AGTR2: variants seen among roughly 807,000 people sequenced by gnomAD.
AGTR2 encodes the protein angiotensin II receptor type 2.
A neutral mutation model predicts 14.2 loss-of-function variants in AGTR2; 15 were observed. The ratio of observed to expected loss-of-function variants is 1.05; its 90% confidence interval spans 0.70 to 1.62. The LOEUF (loss-of-function observed/expected upper bound fraction) is 1.62, where lower values mean the gene tolerates loss of function less well. Ranked by LOEUF, AGTR2 falls within the 40% of genes most tolerant of loss-of-function variation. AGTR2 has a pLI of 0.00. For missense variants in AGTR2, 274 were observed against 273.1 expected, an observed-to-expected ratio of 1.00 and a Z score of -0.02; for synonymous variants, 101 against 98.5, an observed-to-expected ratio of 1.03 and a Z score of -0.15.
chrX:116,172,814 A>T lies in AGTR2; in HGVS notation c.534A>T (p.Thr178=), dbSNP rs1556673770. The part of the protein sequence containing the change: ...WCMACLSSLP[T]FYFRDVRTIE... ...TGGCCTGTTTGTCCTCATTGCCAAC[A>T]TTTTATTTTCGAGACGTCAGAACCA... The change falls in exon 3 of 3, where the codon ACA becomes ACT. Residue 178 remains threonine (T), a synonymous_variant. Transcript: ENST00000371906. 2.5e-6 allele frequency: 3 copies of T among 1,211,036 alleles called. No homozygotes were observed. Among genetic ancestry groups the T allele is most frequent in the East Asian group, 3.0e-5 (1 of 33,818 alleles).
At position 116,173,824 on chromosome X, in the gene AGTR2, T is replaced by C. The variant is rs1922549315; in HGVS notation, c.*452T>C. 6.6e-6 allele frequency: 1 copy of C among 151,027 alleles called. No homozygotes were observed. Among genetic ancestry groups the C allele is most frequent in the Admixed American group, 7.8e-5 (1 of 12,856 alleles). 12.4% of individuals were successfully genotyped at this position (151,027 alleles called of 1,213,427 possible). A position where few individuals can be genotyped will look rare whatever the true frequency, so the allele number is the denominator to read the frequency against. ...CACTTCTAAGTTGAGTATATTATAA[T>C]AGATTAGTACTGGATTATTCAGGCT... On this transcript the variant is annotated 3_prime_UTR_variant, in exon 3 of 3. Coordinates refer to ENST00000371906, the MANE Select transcript of AGTR2 (RefSeq NM_000686.5).
chrX:116,171,558 G>A (rs1922449521), intron 2 of AGTR2, among the ~76,000 whole-genome samples: 2 of 110,170 alleles, frequency 1.8e-5, no homozygotes, highest in Admixed American at 2.0e-4. Flanking sequence ...AAAAGGAGAA[G>A]ACTTAGAAAT....
Position 116,172,879 on chromosome X carries a change from C to T in AGTR2, c.599C>T (p.Pro200Leu). Residue 200 changes from proline to leucine, a missense_variant, in exon 3 of 3, where the codon CCA (proline) becomes CTA (leucine). By Grantham distance (98) the Pro-to-Leu change is moderately conservative (BLOSUM62 -3). Coordinates refer to ENST00000371906, the MANE Select transcript of AGTR2 (RefSeq NM_000686.5). The part of the protein sequence containing the change: ...LGVNACIMAF[P>L]PEKYAQWSAG... ...GTGAATGCTTGCATTATGGCTTTCC[C>T]ACCTGAGAAATATGCCCAATGGTCA... 8.3e-7 allele frequency: 1 copy of T among 1,211,497 alleles called. No individual in the cohort carries two copies. The highest frequency in any genetic ancestry group is 1.1e-6 in the Non-Finnish European group (1 of 895,406).
intron 2 of AGTR2, 85 bp downstream of exon 2, chrX:116,171,112 T>G (rs1922430868): frequency 9.0e-6 from 1 of 111,514 alleles, no homozygotes; most frequent in African/African-American, 3.2e-5. Flanking sequence ...AAAATAAAAG[T>G]TTTGCTCTTT....
rs1922478422 is a variant in AGTR2 at position 116,172,367 on chromosome X, T to C, written c.87T>C (p.Asn29=). Residue 29 remains asparagine (N), a synonymous_variant, in exon 3 of 3, where the codon AAT becomes AAC. Transcript: ENST00000371906. The part of the protein sequence containing the change: ...HFGLVNISGN[N]ESTLNCSQKP... ...GGCTTGTGAACATCTCTGGCAACAATGAGTCTACCTTGAACTGTTCACAGA... is the reference window on the plus strand; with the variant it reads ...GGCTTGTGAACATCTCTGGCAACAACGAGTCTACCTTGAACTGTTCACAGA... 7 of 1,211,014 alleles carry C rather than the reference T, an allele frequency of 5.8e-6. No individual in the cohort carries two copies. The highest frequency in any genetic ancestry group is 7.8e-6 in the Non-Finnish European group (7 of 894,838).
Position 116,173,548 on chromosome X carries a change from T to G in AGTR2, c.*176T>G, listed in dbSNP as rs1398631304. ...GACTTTCAGGAATTGCCCATTGTTTTTCTGATATGTTTGTACAAGATTGTC... is the reference window on the plus strand; with the variant it reads ...GACTTTCAGGAATTGCCCATTGTTTGTCTGATATGTTTGTACAAGATTGTC... On this transcript the variant is annotated 3_prime_UTR_variant, in exon 3 of 3. Transcript: ENST00000371906. The G allele has an allele frequency of 1.6e-6, 1 of 616,571 alleles. No homozygotes were observed. The highest frequency in any genetic ancestry group is 2.5e-6 in the Non-Finnish European group (1 of 406,232). The allele number at this position is 616,571 out of a possible 1,213,427, so 50.8% of individuals were successfully genotyped here. A position where few individuals can be genotyped will look rare whatever the true frequency, so the allele number is the denominator to read the frequency against.
rs1922580983 is a variant in AGTR2, at chrX:116,174,802, G to A, written c.*1430G>A. The A allele has an allele frequency of 8.2e-6, 1 of 122,139 alleles. No homozygotes were observed. Among genetic ancestry groups the A allele is most frequent in the Non-Finnish European group, 1.9e-5 (1 of 52,965 alleles). The allele number at this position is 122,139 out of a possible 1,213,427, so 10.1% of individuals were successfully genotyped here. A position where few individuals can be genotyped will look rare whatever the true frequency, so the allele number is the denominator to read the frequency against. ...GACTCAGCATCTCTGCCAGGTTCCA[G>A]GATTATAGACAGAAGAGTCCTGTCA... On this transcript the variant is annotated 3_prime_UTR_variant, in exon 3 of 3. Transcript: ENST00000371906.
chrX:116,172,675 T>C lies in AGTR2; in HGVS notation c.395T>C (p.Ile132Thr). ...CTTACCCTGAACATGTTTGCAAGCA[T>C]TTTTTTTATCACCTGCATGAGTGTT... Reference protein sequence around the residue: ...SFLTLNMFASIFFITCMSVDR... With the variant: ...SFLTLNMFASTFFITCMSVDR... The change falls in exon 3 of 3, where the codon ATT becomes ACT. Residue 132 changes from isoleucine (I) to threonine (T), a missense_variant. Physicochemically the swap from Ile to Thr is moderately conservative, Grantham distance 89. Transcript: ENST00000371906. 3.3e-6 allele frequency: 4 copies of C among 1,206,333 alleles called. No individual in the cohort carries two copies. Among genetic ancestry groups the C allele is most frequent in the Non-Finnish European group, 4.5e-6 (4 of 891,131 alleles).
At position 116,172,366 on chromosome X, in the gene AGTR2, A is replaced by G. The variant is rs143423522; in HGVS notation, c.86A>G (p.Asn29Ser). 43 of 1,209,373 alleles carry G rather than the reference A, an allele frequency of 3.6e-5. No homozygotes were observed. The African/African-American group carries it at 5.2e-4, about 15-fold the overall frequency. The stretch of plus-strand genomic sequence containing the variant: ...GGGCTTGTGAACATCTCTGGCAACA[A>G]TGAGTCTACCTTGAACTGTTCACAG... ...HFGLVNISGN[N>S]ESTLNCSQKP... Residue 29 changes from asparagine (N) to serine (S), a missense_variant, in exon 3 of 3, where the codon AAT (asparagine) becomes AGT (serine). Asn to Ser is a conservative substitution (Grantham distance 46). Transcript: ENST00000371906.
rs781932683 is a variant in AGTR2, at chrX:116,172,717, T to C, written c.437T>C (p.Val146Ala). The C allele has an allele frequency of 1.1e-5, 13 of 1,208,314 alleles. No individual in the cohort carries two copies. Among genetic ancestry groups the C allele is most frequent in the Non-Finnish European group, 1.3e-5 (12 of 893,991 alleles). The change falls in exon 3 of 3, where the codon GTC becomes GCC. Residue 146 changes from valine to alanine, a missense_variant. Coordinates refer to ENST00000371906, the MANE Select transcript of AGTR2 (RefSeq NM_000686.5). ...TCMSVDRYQS[V>A]IYPFLSQRRN... ...ATGAGTGTTGATAGGTACCAATCTG[T>C]CATCTACCCCTTTCTGTCTCAAAGA...
chrX:116,172,830 G>A lies in AGTR2; in HGVS notation c.550G>A (p.Val184Ile), dbSNP rs782035382. ...ATTGCCAACATTTTATTTTCGAGAC[G>A]TCAGAACCATTGAATACTTAGGAGT... is the stretch of plus-strand genomic sequence containing the variant. ...SSLPTFYFRDVRTIEYLGVNA... is the reference protein window; with the variant it reads ...SSLPTFYFRDIRTIEYLGVNA... The change falls in exon 3 of 3, where the codon GTC (valine) becomes ATC (isoleucine). Residue 184 changes from valine to isoleucine, a missense_variant. Transcript: ENST00000371906. 1.4e-5 allele frequency: 17 copies of A among 1,209,268 alleles called. No individual in the cohort carries two copies. The East Asian group carries it at 3.0e-4, about 21-fold the overall frequency.
At position 116,172,682 on chromosome X, in the gene AGTR2, T is replaced by TA. The variant is rs1556673735; in HGVS notation, c.403dup (p.Ile135AsnfsTer7). Reference sequence around the variant, plus strand: ...TGAACATGTTTGCAAGCATTTTTTTTATCACCTGCATGAGTGTTGATAGGT... The same window carrying TA: ...TGAACATGTTTGCAAGCATTTTTTTTAATCACCTGCATGAGTGTTGATAGGT... On this transcript the variant is annotated frameshift_variant, in exon 3 of 3. Transcript: ENST00000371906. LOFTEE classifies it high-confidence loss of function. The TA allele has an allele frequency of 1.7e-6, 2 of 1,208,945 alleles. No homozygotes were observed. Among genetic ancestry groups the TA allele is most frequent in the African/African-American group, 1.8e-5 (1 of 56,977 alleles).
At chrX:116,171,235 GTT>G (rs36173764) in intron 2 of AGTR2, among the ~76,000 whole-genome samples, 1,458 of 100,092 alleles carry the variant, frequency 0.015, 29 homozygotes, top group African/African-American at 0.049. Context: ...TAGCTAATGT[GTT>G]TTTTTTTTTG....
chrX:116,171,240 T>TC (rs1294770674), intron 2 of AGTR2, among the ~76,000 whole-genome samples: 2 of 110,885 alleles, frequency 1.8e-5, no homozygotes, highest in Non-Finnish European at 3.8e-5. Flanking sequence ...AATGTGTTTT[T>TC]TTTTTTGGTT....
At chrX:116,171,707 T>G (rs1922454642) in intron 2 of AGTR2, among the ~76,000 whole-genome samples, 1 of 111,211 alleles carries the variant, frequency 9.0e-6, no homozygotes, top group Non-Finnish European at 1.9e-5. Context: ...GCATATTCTC[T>G]TTTAGTTTTT....
rs17231401 is a variant in AGTR2 at position 116,171,216 on chromosome X, G to A, written c.-36+189G>A. Among the ~76,000 whole-genome samples the A allele has an allele frequency of 2.7e-3, 278 of 104,319 alleles. 2 individuals carry two copies. The highest frequency in any genetic ancestry group is 9.7e-3 in the African/African-American group (270 of 27,884). 90.6% of individuals were successfully genotyped at this position (104,319 alleles called of 115,157 possible). On this transcript the variant is annotated intron_variant, in intron 2 of 2. Transcript: ENST00000371906. ...AAAGTAAATAGTGTTTCCTTTGTAT[G>A]CTTATCTTTAGCTAATGTGTTTTTT...
rs782266027 is a variant in AGTR2 at position 116,172,828 on chromosome X, A to G, written c.548A>G (p.Asp183Gly). ...LSSLPTFYFR[D>G]VRTIEYLGVN... ...TCATTGCCAACATTTTATTTTCGAG[A>G]CGTCAGAACCATTGAATACTTAGGA... Residue 183 changes from aspartate (D) to glycine (G), a missense_variant, in exon 3 of 3, where the codon GAC (aspartate) becomes GGC (glycine). Physicochemically the swap from Asp to Gly is moderately conservative, Grantham distance 94. Transcript: ENST00000371906. The G allele has an allele frequency of 9.9e-6, 12 of 1,209,123 alleles. No individual in the cohort carries two copies. The highest frequency in any genetic ancestry group is 1.2e-5 in the Non-Finnish European group (11 of 894,796).
In AGTR2 at chrX:116,172,959, A is replaced by G; in HGVS notation, c.679A>G (p.Ile227Val). The G allele has an allele frequency of 1.7e-6, 2 of 1,211,075 alleles. No homozygotes were observed. The highest frequency in any genetic ancestry group is 2.2e-6 in the Non-Finnish European group (2 of 895,140). The change falls in exon 3 of 3, where the codon ATA (isoleucine) becomes GTA (valine). Residue 227 changes from isoleucine to valine, a missense_variant. Transcript: ENST00000371906. Reference protein sequence around the residue: ...ILGFIIPLIFIATCYFGIRKH... With the variant: ...ILGFIIPLIFVATCYFGIRKH... ...TGGTTTTATTATCCCTTTAATATTC[A>G]TAGCAACATGCTATTTTGGAATTAG...
chrX:116,174,083 A>T lies in AGTR2; in HGVS notation c.*711A>T, dbSNP rs1446006828. ...ACTAAACTCTGAATAAGCACTTTTT[A>T]AAAAACTTTCTACTCATTTTAATGA... On this transcript the variant is annotated 3_prime_UTR_variant, in exon 3 of 3. Coordinates refer to ENST00000371906, the MANE Select transcript of AGTR2 (RefSeq NM_000686.5). 8.1e-6 allele frequency: 1 copy of T among 122,906 alleles called. No individual in the cohort carries two copies. Among genetic ancestry groups the T allele is most frequent in the Non-Finnish European group, 1.9e-5 (1 of 53,241 alleles). The allele number at this position is 122,906 out of a possible 1,213,427, so 10.1% of individuals were successfully genotyped here. A position where few individuals can be genotyped will look rare whatever the true frequency, so the allele number is the denominator to read the frequency against.
Sources: gnomAD v4.1 joint callset for allele counts (sites outside exome capture counted in the v4.1 genomes callset) on GRCh38, gnomAD v4.1.1 for gene constraint, MANE v1.5 for transcripts, NCBI Gene and HGNC (gene_info 2026-07-23, HGNC 2026-07-21) for gene names.